Variants in ETV1 observed in about 807,000 individuals in gnomAD.
ETV1 encodes ETS translocation variant 1.
In ETV1, 27 loss-of-function variants were observed where a neutral mutation model predicts 62.3. The ratio of observed to expected loss-of-function variants is 0.43; its 90% CI spans 0.32 to 0.60. The LOEUF (loss-of-function observed/expected upper bound fraction) is 0.60. Ranked by LOEUF, ETV1 falls within the 20% of genes least tolerant of loss-of-function variation. ETV1 has a pLI of 0.06. For missense variants in ETV1, 605 were observed against 605.8 expected (o/e 1.00, Z 0.01); for synonymous variants, 222 against 199.6 (o/e 1.11, Z -0.94).
At chr7:13,922,926 T>G (rs2128438730) in intron 9 of ETV1, among the ~76,000 whole-genome samples, 1 of 152,330 alleles carries the variant, frequency 6.6e-6, no homozygotes, top group South Asian at 2.1e-4. Flanking sequence ...AACACGTATC[T>G]CATCTTGTAA....
chr7:13,961,938 G>T (rs1011866857), intron 6 of ETV1, among the ~76,000 whole-genome samples: 3 of 152,036 alleles, frequency 2.0e-5, no homozygotes, highest in African/African-American at 7.2e-5. Flanking sequence ...TACAGTATGT[G>T]TAGATACAGT....
chr7:13,956,897 TAA>T (rs1043188833), intron 6 of ETV1, among the ~76,000 whole-genome samples: 3 of 151,946 alleles, frequency 2.0e-5, no homozygotes, highest in African/African-American at 4.8e-5. Context: ...ATAAAATTTT[TAA>T]AAGACTCCAA....
chr7:13,990,021 G>C (rs548965662), upstream of ETV1: 5 of 157,010 alleles, frequency 3.2e-5, no homozygotes, highest in African/African-American at 1.2e-4. Context: ...TTTCCTTAAA[G>C]TACTGTTGTG....
chr7:13,973,872 A>C (rs1276502881), intron 6 of ETV1, among the ~76,000 whole-genome samples: 1 of 152,186 alleles, frequency 6.6e-6, no homozygotes, highest in African/African-American at 2.4e-5. Flanking sequence ...TTTAAGGCAT[A>C]TCATGTTTCT....
upstream of ETV1, chr7:13,989,833 T>A (rs1016220680): frequency 2.6e-6 from 1 of 379,280 alleles, no homozygotes; most frequent in African/African-American, 2.1e-5. Flanking sequence ...CCCTCGCCCC[T>A]CTGCCCTAGG....
chr7:13,927,411 C>CA (rs1785554218), intron 9 of ETV1, among the ~76,000 whole-genome samples: 1 of 152,164 alleles, frequency 6.6e-6, no homozygotes, highest in African/African-American at 2.4e-5. Flanking sequence ...GAAATCACAC[C>CA]ACTGCACTCC....
At chr7:13,969,411 T>C (rs1427816734) in intron 6 of ETV1, among the ~76,000 whole-genome samples, 1 of 152,224 alleles carries the variant, frequency 6.6e-6, no homozygotes, top group Non-Finnish European at 1.5e-5. Context: ...TTCCAGAAAC[T>C]GATTGCCTCT....
At chr7:13,919,908 G>A (rs1784637242) in intron 9 of ETV1, among the ~76,000 whole-genome samples, 2 of 152,056 alleles carry the variant, frequency 1.3e-5, no homozygotes, top group Admixed American at 1.3e-4. Flanking sequence ...GAGAGAGAGA[G>A]AGAAGAGAGA....
intron 12 of ETV1, among the ~76,000 whole-genome samples, chr7:13,903,020 C>A (rs573489518): frequency 6.6e-6 from 1 of 152,080 alleles, no homozygotes; most frequent in Admixed American, 6.6e-5. Context: ...AAATTAACAG[C>A]GTAAATAATT....
At chr7:13,975,656 A>G (rs1781376885) in intron 6 of ETV1, among the ~76,000 whole-genome samples, 1 of 150,762 alleles carries the variant, frequency 6.6e-6, no homozygotes, top group Non-Finnish European at 1.5e-5. Flanking sequence ...AAGAGGAGGG[A>G]AGGAAGATGA....
At chr7:13,915,170 GGATT>G (rs2128425526) in intron 9 of ETV1, among the ~76,000 whole-genome samples, 1 of 152,224 alleles carries the variant, frequency 6.6e-6, no homozygotes, top group South Asian at 2.1e-4. Flanking sequence ...GTGCAAAGCT[GGATT>G]GATTATACAC....
At chr7:13,980,989 T>C (rs1280995257) in intron 5 of ETV1, among the ~76,000 whole-genome samples, 1 of 152,064 alleles carries the variant, frequency 6.6e-6, no homozygotes, top group Non-Finnish European at 1.5e-5. Flanking sequence ...TCAAATGAAA[T>C]AATAATCATT....
At chr7:13,962,795 A>G (rs919460873) in intron 6 of ETV1, among the ~76,000 whole-genome samples, 3 of 152,196 alleles carry the variant, frequency 2.0e-5, no homozygotes, top group Non-Finnish European at 4.4e-5. Flanking sequence ...TTTGTGCATT[A>G]TGTTATAAAT....
At chr7:13,988,940 T>G in intron 3 of ETV1, 68 bp downstream of exon 3, 5 of 1,226,256 alleles carry the variant, frequency 4.1e-6, no homozygotes, top group Non-Finnish European at 5.8e-6. Flanking sequence ...TCCCTTCTCA[T>G]TTTCTCCCTC....
intron 5 of ETV1, among the ~76,000 whole-genome samples, chr7:13,981,064 T>TA (rs1169190775): frequency 6.6e-6 from 1 of 152,020 alleles, no homozygotes; most frequent in African/African-American, 2.4e-5. Context: ...AAAACCCTCC[T>TA]ATTCTTACAA....
chr7:13,954,082 C>T (rs1281911208), intron 6 of ETV1, among the ~76,000 whole-genome samples: 1 of 152,020 alleles, frequency 6.6e-6, no homozygotes, highest in Non-Finnish European at 1.5e-5. Context: ...TACTAATATG[C>T]CTGTCATGGC....
rs1782821124 is a variant in ETV1 at position 13,988,997 on chromosome 7, T to A, written c.45+11A>T. 6.4e-7 allele frequency: 1 copy of A among 1,562,810 alleles called. No individual in the cohort carries two copies. Among genetic ancestry groups the A allele is most frequent in the Non-Finnish European group, 8.7e-7 (1 of 1,149,034 alleles). On this transcript the variant is annotated intron_variant, in intron 3 of 13. Transcript: ENST00000430479. ...AGTTTATAAACAGCAACTTTCAAAC[T>A]GATCACTCACATTGGTGACCATGTA...
chr7:13,948,534 T>C (rs1047732583), intron 6 of ETV1, among the ~76,000 whole-genome samples: 1 of 152,176 alleles, frequency 6.6e-6, no homozygotes, highest in Non-Finnish European at 1.5e-5. Flanking sequence ...GCTGGCAAAT[T>C]ACAGCTCATG....
intron 6 of ETV1, among the ~76,000 whole-genome samples, chr7:13,942,730 T>A (rs2128463623): frequency 6.6e-6 from 1 of 152,288 alleles, no homozygotes; most frequent in East Asian, 1.9e-4. Context: ...ATATAAGGAA[T>A]TCAAGTAACA....
Sources: gnomAD v4.1 joint callset for allele counts (sites outside exome capture counted in the v4.1 genomes callset) on GRCh38, gnomAD v4.1.1 for gene constraint, MANE v1.5 for transcripts, NCBI Gene and HGNC (gene_info 2026-07-23, HGNC 2026-07-21) for gene names.